HLTF: variants seen among roughly 807,000 people sequenced by gnomAD.
HLTF encodes DNA-dependent ATPase/E3 ubiquitin-protein ligase HLTF.
A neutral mutation model predicts 129.4 loss-of-function variants in HLTF; 127 were observed. The ratio of observed to expected loss-of-function variants is 0.98; its 90% CI spans 0.85 to 1.14. The LOEUF is 1.14. HLTF is among the 50% of genes most tolerant of loss of function. HLTF has a pLI of 0.00. For synonymous variants in HLTF, 332 were observed against 388.8 expected (o/e 0.85, Z 1.72); for missense variants, 1,139 against 1,187.1 (o/e 0.96, Z 0.60).
At chr3:149,049,417 A>G (rs1160493808) in intron 15 of HLTF, among the ~76,000 whole-genome samples, 1 of 152,226 alleles carries the variant, frequency 6.6e-6, no homozygotes, top group Non-Finnish European at 1.5e-5. Flanking sequence ...ATAAAAGGTA[A>G]TATTTTTACT....
chr3:149,077,271 TAAA>T (rs1559882682), intron 2 of HLTF, among the ~76,000 whole-genome samples: 134 of 150,042 alleles, frequency 8.9e-4, no homozygotes, highest in African/African-American at 2.9e-3. Context: ...AATAAATAAA[TAAA>T]TAAATAAATA....
In HLTF at chr3:149,039,210, TA is replaced by T; in HGVS notation, c.2634del (p.Phe878LeufsTer30). ...TGGGCCATGGAACCATCCAAACGAG[TA>T]AACACAAATCCAGAGGCTCTAAAGG... ...EIPLKASGFV[F>X]TRLDGSMAQK... is the part of the protein sequence containing the mutation. On this transcript the variant is annotated frameshift_variant, in exon 23 of 25. Transcript: ENST00000310053. LOFTEE classifies it high-confidence loss of function. 1 of 1,578,098 alleles carries T rather than the reference TA, an allele frequency of 6.3e-7. No individual in the cohort carries two copies. Among genetic ancestry groups the T allele is most frequent in the Admixed American group, 1.8e-5 (1 of 54,112 alleles).
At chr3:149,034,176 T>C (rs1715373229) in intron 24 of HLTF, among the ~76,000 whole-genome samples, 1 of 152,184 alleles carries the variant, frequency 6.6e-6, no homozygotes, top group Non-Finnish European at 1.5e-5. Flanking sequence ...AATTTTCATA[T>C]AAATCCTATT....
chr3:149,033,668 G>GA (rs201714042), intron 24 of HLTF, among the ~76,000 whole-genome samples: 1 of 151,206 alleles, frequency 6.6e-6, no homozygotes, highest in East Asian at 1.9e-4. Context: ...AATTTTCAAA[G>GA]AAAAAAAATG....
chr3:149,035,138 A>T (rs1715459577), intron 23 of HLTF, 140 bp from the exon 24 acceptor site: 2 of 675,534 alleles, frequency 3.0e-6, no homozygotes. Context: ...AACATCACAA[A>T]TACTCTGGGG....
chr3:149,060,293 AAAC>A (rs1308704706), intron 12 of HLTF, among the ~76,000 whole-genome samples: 18 of 152,184 alleles, frequency 1.2e-4, no homozygotes, highest in Non-Finnish European at 2.9e-5. Flanking sequence ...ATAATAATGT[AAAC>A]AATAATAGTA....
chr3:149,032,178 C>G lies in HLTF; in HGVS notation c.*42G>C. ...CTCTGTATTTTTCTCATTTCTAAAA[C>G]TTAAGTATCCAATCAAACTGACCTT... On this transcript the variant is annotated 3_prime_UTR_variant, in exon 25 of 25. Transcript: ENST00000310053. 1 of 1,416,988 alleles carries G rather than the reference C, an allele frequency of 7.1e-7. No individual in the cohort carries two copies. The highest frequency in any genetic ancestry group is 9.5e-7 in the Non-Finnish European group (1 of 1,055,068). 87.8% of individuals were successfully genotyped at this position (1,416,988 alleles called of 1,614,324 possible).
At chr3:149,083,282 T>C (rs1165940705) in intron 2 of HLTF, among the ~76,000 whole-genome samples, 8 of 151,220 alleles carry the variant, frequency 5.3e-5, no homozygotes, top group African/African-American at 1.9e-4. Context: ...TAAAAGAACA[T>C]GCATTAATTA....
intron 7 of HLTF, among the ~76,000 whole-genome samples, chr3:149,070,547 CAGTAATTTTTATG>C (rs1253322980): frequency 7.2e-5 from 11 of 152,258 alleles, no homozygotes; most frequent in African/African-American, 2.6e-4. Flanking sequence ...TCTTTGAAAT[CAGTAATTTTTATG>C]AGTAGAAAGG....
chr3:149,039,849 C>G (rs1715973775), intron 21 of HLTF, among the ~76,000 whole-genome samples, 156 bp from the exon 22 acceptor site: 1 of 152,122 alleles, frequency 6.6e-6, no homozygotes, highest in African/African-American at 2.4e-5. Flanking sequence ...AAAGAACACT[C>G]TAATAATCTG....
At chr3:149,047,408 G>A (rs371152352) in intron 17 of HLTF, among the ~76,000 whole-genome samples, 5 of 152,214 alleles carry the variant, frequency 3.3e-5, no homozygotes, top group African/African-American at 9.6e-5. Context: ...TTGGGAGGTC[G>A]AGGCAAGAGG....
At chr3:149,051,235 TAA>T (rs35317937) in intron 14 of HLTF, among the ~76,000 whole-genome samples, 15 of 140,174 alleles carry the variant, frequency 1.1e-4, no homozygotes, top group African/African-American at 1.3e-4. Context: ...TAAGGAAGTT[TAA>T]AAAAAAAAAA....
chr3:149,068,343 A>C lies in HLTF; in HGVS notation c.895-8T>G. ...GGCCGTAAGAGTTTTACCCTTAAAA[A>C]TGTTTTAAAAAGATAAATGGTCAGA... On this transcript the variant is annotated splice_region_variant and splice_polypyrimidine_tract_variant and intron_variant, in intron 7 of 24. Transcript: ENST00000310053. The C allele has an allele frequency of 7.4e-7, 1 of 1,348,202 alleles. No homozygotes were observed. The highest frequency in any genetic ancestry group is 1.0e-6 in the Non-Finnish European group (1 of 960,082). The allele number at this position is 1,348,202 out of a possible 1,614,324, so 83.5% of individuals were successfully genotyped here.
chr3:149,086,209 C>G (rs965882858), intron 1 of HLTF, 108 bp downstream of exon 1: 1 of 1,157,464 alleles, frequency 8.6e-7, no homozygotes, highest in East Asian at 2.5e-5. Context: ...ACGAATACAG[C>G]TGCACAAATC....
At chr3:149,077,569 A>C (rs1719485917) in intron 2 of HLTF, among the ~76,000 whole-genome samples, 1 of 151,812 alleles carries the variant, frequency 6.6e-6, no homozygotes, top group African/African-American at 2.4e-5. Flanking sequence ...AAGCAAAAAA[A>C]CAAAAAGGCT....
intron 12 of HLTF, 78 bp downstream of exon 12, chr3:149,060,565 C>G: frequency 8.6e-7 from 1 of 1,158,774 alleles, no homozygotes; most frequent in Non-Finnish European, 1.3e-6. Flanking sequence ...AACATTCCAA[C>G]CTAGCGAGAT....
chr3:149,075,925 A>G lies in HLTF; in HGVS notation c.351T>C (p.Gly117=). The G allele has an allele frequency of 6.2e-7, 1 of 1,608,644 alleles. No homozygotes were observed. Among genetic ancestry groups the G allele is most frequent in the Non-Finnish European group, 8.5e-7 (1 of 1,176,168 alleles). Reference sequence around the variant, plus strand: ...TGTTGTCCATGATATAGGCCAAAGCACCTGCAAGCTCTTTCTTTAAATGGC... The same window carrying G: ...TGTTGTCCATGATATAGGCCAAAGCGCCTGCAAGCTCTTTCTTTAAATGGC... ...QVGHLKKELA[G]ALAYIMDNKL... The change falls in exon 3 of 25, where the codon GGT becomes GGC. Residue 117 remains glycine (G), a synonymous_variant. Transcript: ENST00000310053.
intron 18 of HLTF, 104 bp from the exon 19 acceptor site, chr3:149,042,394 T>C (rs1716206756): frequency 1.0e-6 from 1 of 954,856 alleles, no homozygotes; most frequent in African/African-American, 1.7e-5. Context: ...TCTCTAGAAA[T>C]TACTCCAAAA....
intron 19 of HLTF, 46 bp from the exon 20 acceptor site, chr3:149,041,714 A>G (rs1297115341): frequency 3.7e-6 from 5 of 1,342,618 alleles, no homozygotes; most frequent in Non-Finnish European, 5.3e-6. Flanking sequence ...GGTTTGTAAT[A>G]TGACAAGTTA....
Sources: allele counts gnomAD v4.1 joint callset (sites outside exome capture counted in the v4.1 genomes callset), GRCh38; gene constraint gnomAD v4.1.1; transcripts MANE v1.5; gene names NCBI Gene and HGNC (gene_info 2026-07-23, HGNC 2026-07-21).